Variants in CD109 observed in about 807,000 individuals in gnomAD.
CD109 encodes the protein CD109 molecule, also known as CD109 antigen.
CD109 carries 149 observed loss-of-function variants against 165.8 expected under a neutral mutation model. The ratio of observed to expected loss-of-function variants is 0.90; its 90% CI spans 0.79 to 1.03. The LOEUF is 1.03. Among genes scored for constraint, CD109 ranks in the 50% least tolerant of loss-of-function variants. CD109 has a pLI of 0.00. For synonymous variants in CD109, 585 were observed against 592.1 expected (o/e 0.99, Z 0.18); for missense variants, 1,712 against 1,677.8 (o/e 1.02, Z -0.36).
At position 73,777,987 on chromosome 6, in the gene CD109, A is replaced by C. The variant is rs1166099128; in HGVS notation, c.1828-2437A>C. Among the ~76,000 whole-genome samples, 3 of 152,176 alleles carry C rather than the reference A, an allele frequency of 2.0e-5. No homozygotes were observed. In the East Asian group the frequency reaches 5.8e-4, roughly 29 times the overall value. On this transcript the variant is annotated intron_variant, in intron 15 of 32. Coordinates refer to ENST00000287097, the MANE Select transcript of CD109 (RefSeq NM_133493.5). ...TAATAGGAATAGCATTGAATACATAAATTGCTTTGGGCAGTATGGCCATTT... is the reference window on the plus strand; with the variant it reads ...TAATAGGAATAGCATTGAATACATACATTGCTTTGGGCAGTATGGCCATTT...
intron 5 of CD109, among the ~76,000 whole-genome samples, chr6:73,755,402 G>A (rs963968782): frequency 2.6e-5 from 4 of 152,126 alleles, no homozygotes; most frequent in Non-Finnish European, 4.4e-5. Context: ...ATTTGTTAGC[G>A]TGTTAGTGGT....
intron 5 of CD109, among the ~76,000 whole-genome samples, chr6:73,744,320 A>G (rs1016244477): frequency 6.6e-6 from 1 of 152,192 alleles, no homozygotes; most frequent in African/African-American, 2.4e-5. Flanking sequence ...GAATGAGTGA[A>G]TAGAGCTTCT....
chr6:73,731,434 G>A (rs1228699316), intron 4 of CD109, among the ~76,000 whole-genome samples: 1 of 152,252 alleles, frequency 6.6e-6, no homozygotes, highest in Non-Finnish European at 1.5e-5. Flanking sequence ...CACATGGAAA[G>A]GCCCTGAGGG....
chr6:73,768,069 A>T lies in CD109; in HGVS notation c.1512A>T (p.Gly504=), dbSNP rs374626684. 3.7e-6 allele frequency: 6 copies of T among 1,613,140 alleles called. No homozygotes were observed. The African/African-American group carries it at 8.0e-5, about 22-fold the overall frequency. Residue 504 remains glycine, a synonymous_variant, in exon 14 of 33, where the codon GGA becomes GGT. Coordinates refer to ENST00000287097, the MANE Select transcript of CD109 (RefSeq NM_133493.5). ...KELSYMVVSR[G]QLVAVGKQNS... ...GTTCTTTTCAGGTAGTATCCAGGGG[A>T]CAGTTGGTGGCTGTAGGAAAACAAA...
At chr6:73,707,062 A>G (rs1029668390) in intron 2 of CD109, among the ~76,000 whole-genome samples, 1 of 152,232 alleles carries the variant, frequency 6.6e-6, no homozygotes, top group Admixed American at 6.5e-5. Context: ...TGCTCTTCGC[A>G]GGGAAGCAGA....
intron 5 of CD109, among the ~76,000 whole-genome samples, chr6:73,753,163 C>T (rs139034940): frequency 2.0e-5 from 3 of 152,252 alleles, no homozygotes; most frequent in East Asian, 1.9e-4. Context: ...TGTCTGGCTA[C>T]ATTTGCATTG....
At chr6:73,767,939 T>C in intron 13 of CD109, 116 bp from the exon 14 acceptor site, 1 of 854,474 alleles carries the variant, frequency 1.2e-6, no homozygotes, top group Non-Finnish European at 1.9e-6. Context: ...CAAAAGACTT[T>C]GAAGCTGGTT....
chr6:73,739,928 G>T (rs1001823178), intron 5 of CD109, among the ~76,000 whole-genome samples: 5 of 152,184 alleles, frequency 3.3e-5, no homozygotes, highest in African/African-American at 1.2e-4. Flanking sequence ...GAGTGAAGTG[G>T]CACAATCATA....
chr6:73,777,708 A>C (rs1327053390), intron 15 of CD109, among the ~76,000 whole-genome samples: 1 of 152,152 alleles, frequency 6.6e-6, no homozygotes, highest in Non-Finnish European at 1.5e-5. Flanking sequence ...GATTTGTTGA[A>C]GATCAGATAG....
intron 23 of CD109, among the ~76,000 whole-genome samples, chr6:73,798,858 G>A (rs1409757250): frequency 6.6e-6 from 1 of 152,118 alleles, no homozygotes; most frequent in Non-Finnish European, 1.5e-5. Flanking sequence ...GATGTGATCT[G>A]GGGGTGTGGA....
chr6:73,753,184 G>A lies in CD109; in HGVS notation c.634-3459G>A, dbSNP rs563899786. On this transcript the variant is annotated intron_variant, in intron 5 of 32. Transcript: ENST00000287097. ...GCTACATTTGCATTGCAACAGCATT[G>A]TTAAGTAGTTGGGACAGAGACCATA... Among the ~76,000 whole-genome samples the A allele has an allele frequency of 2.6e-5, 4 of 152,286 alleles. No homozygotes were observed. In the South Asian group the frequency reaches 8.3e-4, roughly 32 times the overall value.
intron 5 of CD109, among the ~76,000 whole-genome samples, chr6:73,737,277 G>A (rs1380660921): frequency 1.3e-5 from 2 of 152,168 alleles, no homozygotes; most frequent in African/African-American, 4.8e-5. Context: ...TGAAATTGTA[G>A]CTTATTCTAA....
chr6:73,763,561 C>T lies in CD109; in HGVS notation c.998-15C>T, dbSNP rs770265640. On this transcript the variant is annotated splice_polypyrimidine_tract_variant and intron_variant, in intron 9 of 32. Coordinates refer to ENST00000287097, the MANE Select transcript of CD109 (RefSeq NM_133493.5). Reference sequence around the variant, plus strand: ...CATTACTTTTGCTTTCTAAATTGTGCAATTTCCAAAAAAGGTATTTCAAGA... The same window carrying T: ...CATTACTTTTGCTTTCTAAATTGTGTAATTTCCAAAAAAGGTATTTCAAGA... 3.5e-6 allele frequency: 5 copies of T among 1,412,618 alleles called. No homozygotes were observed. Among genetic ancestry groups the T allele is most frequent in the South Asian group, 1.3e-5 (1 of 75,828 alleles). 87.5% of individuals were successfully genotyped at this position (1,412,618 alleles called of 1,614,324 possible). A position where few individuals can be genotyped will look rare whatever the true frequency, so the allele number is the denominator to read the frequency against.
chr6:73,773,891 C>T (rs1774139437), intron 15 of CD109, among the ~76,000 whole-genome samples: 1 of 151,936 alleles, frequency 6.6e-6, no homozygotes, highest in Non-Finnish European at 1.5e-5. Context: ...ACTTTTACTT[C>T]CTCCTTCACA....
chr6:73,699,738 C>T (rs1345137995), intron 2 of CD109, among the ~76,000 whole-genome samples: 2 of 152,158 alleles, frequency 1.3e-5, no homozygotes, highest in East Asian at 1.9e-4. Context: ...GGAGGGAAAA[C>T]GCTGCTTCTT....
chr6:73,737,119 A>T (rs1238346674), intron 5 of CD109, among the ~76,000 whole-genome samples: 1 of 152,226 alleles, frequency 6.6e-6, no homozygotes, highest in African/African-American at 2.4e-5. Flanking sequence ...AAGCAATGAG[A>T]CTTAACTGTT....
chr6:73,715,512 C>T (rs1301680781), intron 2 of CD109, among the ~76,000 whole-genome samples: 1 of 146,856 alleles, frequency 6.8e-6, no homozygotes, highest in Non-Finnish European at 1.5e-5. Flanking sequence ...TGGCAGTGAG[C>T]TATGATTGCA....
At chr6:73,799,616 T>C (rs1775292591) in intron 23 of CD109, among the ~76,000 whole-genome samples, 1 of 151,780 alleles carries the variant, frequency 6.6e-6, no homozygotes, top group African/African-American at 2.4e-5. Context: ...TGTGGGGAGG[T>C]GCCACACACT....
chr6:73,770,160 A>G (rs1773984257), intron 14 of CD109, among the ~76,000 whole-genome samples: 1 of 152,124 alleles, frequency 6.6e-6, no homozygotes, highest in Admixed American at 6.5e-5. Context: ...TTTCTTGATG[A>G]TTATACTTCA....
Sources: allele counts gnomAD v4.1 joint callset (sites outside exome capture counted in the v4.1 genomes callset), GRCh38; gene constraint gnomAD v4.1.1; transcripts MANE v1.5; gene names NCBI Gene and HGNC (gene_info 2026-07-23, HGNC 2026-07-21).